Variants in ITPKB observed in about 807,000 individuals in gnomAD.
ITPKB encodes the protein inositol-trisphosphate 3-kinase B, also known as IP3 3-kinase B.
In ITPKB, 13 loss-of-function variants were observed where a neutral mutation model predicts 69.4. That is an observed-to-expected ratio of 0.19 (90% confidence interval 0.12 to 0.30). The LOEUF (loss-of-function observed/expected upper bound fraction) is 0.30. Among genes scored for constraint, ITPKB ranks in the 10% least tolerant of loss-of-function variants. ITPKB has a pLI of 1.00. For synonymous variants in ITPKB, 584 were observed against 513.7 expected (o/e 1.14, Z -1.85); for missense variants, 1,240 against 1,250.5 (o/e 0.99, Z 0.13).
At chr1:226,707,826 G>A in intron 2 of ITPKB, 1 of 1,197,722 alleles carries the variant, frequency 8.3e-7, no homozygotes. Context: ...CCAGAGAGTA[G>A]TGTAGGAAGA....
chr1:226,712,307 C>T (rs897101495), intron 2 of ITPKB, among the ~76,000 whole-genome samples: 16 of 152,278 alleles, frequency 1.1e-4, no homozygotes, highest in South Asian at 2.1e-4. Flanking sequence ...CTCGTGAGGT[C>T]CATAGCCATC....
At chr1:226,674,059 C>T (rs1033666219) in intron 2 of ITPKB, among the ~76,000 whole-genome samples, 9 of 152,098 alleles carry the variant, frequency 5.9e-5, no homozygotes, top group Admixed American at 1.3e-4. Context: ...CCACTAACTC[C>T]GGGGTGATCA....
Position 226,648,257 on chromosome 1 carries a change from G to A in ITPKB, c.2032+415C>T, listed in dbSNP as rs1669103444. ...TAATGCCGCAACCCCCAGGACCATGGCAATTTAGGCACACAGTAGGTGCTC... is the reference window on the plus strand; with the variant it reads ...TAATGCCGCAACCCCCAGGACCATGACAATTTAGGCACACAGTAGGTGCTC... On this transcript the variant is annotated intron_variant, in intron 3 of 7. Transcript: ENST00000429204. Among the ~76,000 whole-genome samples, 3 of 152,210 alleles carry A rather than the reference G, an allele frequency of 2.0e-5. 1 individual carries two copies. The South Asian group carries it at 6.2e-4, about 32-fold the overall frequency.
intron 2 of ITPKB, among the ~76,000 whole-genome samples, chr1:226,694,057 A>C (rs1656420860): frequency 6.6e-6 from 1 of 152,230 alleles, no homozygotes; most frequent in South Asian, 2.1e-4. Flanking sequence ...AGACTGGCAA[A>C]CATAGGGCTG....
intron 2 of ITPKB, among the ~76,000 whole-genome samples, chr1:226,662,652 A>G (rs1669422237): frequency 6.6e-6 from 1 of 152,250 alleles, no homozygotes; most frequent in South Asian, 2.1e-4. Flanking sequence ...TCTAAATCCA[A>G]AGCCAGAGTT....
rs1254748560 is a variant in ITPKB at position 226,705,744 on chromosome 1, T to G, written c.1932+29783A>C. 3.3e-5 allele frequency among the ~76,000 whole-genome samples: 5 copies of G among 152,284 alleles called. No individual in the cohort carries two copies. In the East Asian group the frequency reaches 7.7e-4, roughly 23 times the overall value. ...ACAGTTGGAGGTTGCAGGCATCCCCTCTCCAGCTATATCAACTTATACTGC... is the reference window on the plus strand; with the variant it reads ...ACAGTTGGAGGTTGCAGGCATCCCCGCTCCAGCTATATCAACTTATACTGC... On this transcript the variant is annotated intron_variant, in intron 2 of 7. Transcript: ENST00000429204.
In ITPKB at chr1:226,669,662, A is replaced by G. The variant is rs1011012333; in HGVS notation, c.1933-20891T>C. 2.6e-5 allele frequency among the ~76,000 whole-genome samples: 4 copies of G among 152,218 alleles called. No individual in the cohort carries two copies. In the East Asian group the frequency reaches 7.7e-4, roughly 29 times the overall value. ...AAAGACACCTGCAAACCAAAGCAGA[A>G]GTCAAATAAACTGCAGAAAATATTT... On this transcript the variant is annotated intron_variant, in intron 2 of 7. Coordinates refer to ENST00000429204, the MANE Select transcript of ITPKB (RefSeq NM_002221.4).
chr1:226,737,695 C>T (rs1450900702), intron 1 of ITPKB, 32 bp from the exon 2 acceptor site: 1 of 767,032 alleles, frequency 1.3e-6, no homozygotes, highest in East Asian at 8.3e-5. Context: ...AGTCAGGACC[C>T]TGGAGGGCGC....
chr1:226,720,778 G>A (rs144149766), intron 2 of ITPKB, among the ~76,000 whole-genome samples: 2,346 of 150,972 alleles, frequency 0.016, 28 homozygotes, highest in South Asian at 0.034. Flanking sequence ...GCGGCCGGGC[G>A]TGGTGGCTCA....
chr1:226,685,342 A>G (rs1656182844), intron 2 of ITPKB, among the ~76,000 whole-genome samples: 1 of 151,994 alleles, frequency 6.6e-6, no homozygotes, highest in South Asian at 2.1e-4. Flanking sequence ...CCCTGCCCCT[A>G]AGTCCTGGCG....
intron 2 of ITPKB, among the ~76,000 whole-genome samples, chr1:226,712,962 T>G (rs1657007230): frequency 6.6e-6 from 1 of 150,828 alleles, no homozygotes; most frequent in Non-Finnish European, 1.5e-5. Flanking sequence ...TGTACGCATG[T>G]GCCCACCCAC....
At chr1:226,695,239 GTAAA>G (rs896585716) in intron 2 of ITPKB, among the ~76,000 whole-genome samples, 1 of 151,834 alleles carries the variant, frequency 6.6e-6, no homozygotes, top group African/African-American at 2.4e-5. Flanking sequence ...CAATAAATAA[GTAAA>G]TAAATAAATA....
intron 2 of ITPKB, among the ~76,000 whole-genome samples, chr1:226,665,227 C>T (rs537259760): frequency 1.3e-5 from 2 of 152,310 alleles, no homozygotes; most frequent in South Asian, 2.1e-4. Context: ...CACTGGGTCC[C>T]GCTGACACAG....
At chr1:226,695,948 A>G (rs1656474555) in intron 2 of ITPKB, among the ~76,000 whole-genome samples, 1 of 152,148 alleles carries the variant, frequency 6.6e-6, no homozygotes, top group African/African-American at 2.4e-5. Context: ...AGGGAAGAGG[A>G]TAAGAAAAAG....
intron 2 of ITPKB, among the ~76,000 whole-genome samples, chr1:226,732,537 GTTCTT>G: frequency 1.4e-5 from 2 of 146,668 alleles, no homozygotes; most frequent in South Asian, 4.2e-4. Context: ...CGTGCCCAGC[GTTCTT>G]TTGTTTTTTT....
At chr1:226,666,221 G>A (rs886821414) in intron 2 of ITPKB, among the ~76,000 whole-genome samples, 1 of 152,206 alleles carries the variant, frequency 6.6e-6, no homozygotes, top group African/African-American at 2.4e-5. Flanking sequence ...GGAGCACATG[G>A]CACGGTGGGA....
chr1:226,639,072 T>TTTTC (rs1553316182), intron 6 of ITPKB, among the ~76,000 whole-genome samples: 5 of 134,364 alleles, frequency 3.7e-5, no homozygotes, highest in East Asian at 2.0e-4. Context: ...TTTTTTTTTT[T>TTTTC]CCCAGACAGA....
At position 226,737,145 on chromosome 1, in the gene ITPKB, C is replaced by A. The variant is rs908915278; in HGVS notation, c.314G>T (p.Arg105Leu). The stretch of plus-strand genomic sequence containing the variant: ...CACCTGCTGCCGGTCCCCTCGCAGG[C>A]GACCAGCCCAACTTGGGCTGCTCAC... ...SSVSSPSWAG[R>L]LRGDRQQVVA... Residue 105 changes from arginine (R) to leucine (L), a missense_variant, in exon 2 of 8, where the codon CGC becomes CTC. Transcript: ENST00000429204. The A allele has an allele frequency of 1.3e-6, 2 of 1,600,002 alleles. No homozygotes were observed. The highest frequency in any genetic ancestry group is 2.7e-5 in the African/African-American group (2 of 74,762).
chr1:226,659,403 G>A (rs570720658), intron 2 of ITPKB, among the ~76,000 whole-genome samples: 69 of 152,098 alleles, frequency 4.5e-4, no homozygotes, highest in Non-Finnish European at 8.4e-4. Context: ...CCCCAGATAC[G>A]GCCCCACACT....
Sources: allele counts gnomAD v4.1 joint callset (sites outside exome capture counted in the v4.1 genomes callset), GRCh38; gene constraint gnomAD v4.1.1; transcripts MANE v1.5; gene names NCBI Gene and HGNC (gene_info 2026-07-23, HGNC 2026-07-21).